NTRK2: variants seen among roughly 807,000 people sequenced by gnomAD.
NTRK2 encodes BDNF/NT-3 growth factors receptor.
A neutral mutation model predicts 94.5 loss-of-function variants in NTRK2; 13 were observed. The observed-to-expected ratio is 0.14, with a 90% CI of 0.09 to 0.22. The LOEUF (loss-of-function observed/expected upper bound fraction) is 0.22. Ranked by LOEUF, NTRK2 falls within the 10% of genes least tolerant of loss-of-function variation. The probability of loss-of-function intolerance (pLI) is 1.00; values close to 1 mark genes in which losing one functional copy is unlikely to be tolerated. For synonymous variants in NTRK2, 372 were observed against 407.4 expected (o/e 0.91, Z 1.05); for missense variants, 639 against 1,071.2 (o/e 0.60, Z 5.63).
intron 10 of NTRK2, among the ~76,000 whole-genome samples, chr9:84,744,758 G>A (rs763543634): frequency 2.3e-4 from 35 of 152,116 alleles, no homozygotes; most frequent in Non-Finnish European, 4.4e-4. Flanking sequence ...TGATGTAAAG[G>A]TCTGGGTTGA....
At chr9:84,859,661 G>C (rs573009626) in intron 12 of NTRK2, among the ~76,000 whole-genome samples, 28 of 152,230 alleles carry the variant, frequency 1.8e-4, no homozygotes, top group African/African-American at 6.3e-4. Context: ...AAAAAAACAG[G>C]CTTAAAAAAT....
At chr9:84,758,322 T>C (rs1287717460) in intron 12 of NTRK2, among the ~76,000 whole-genome samples, 2 of 152,064 alleles carry the variant, frequency 1.3e-5, no homozygotes, top group Non-Finnish European at 2.9e-5. Context: ...TATTTCTAAA[T>C]ATTTATTTCA....
chr9:84,865,687 C>T (rs966641913), intron 13 of NTRK2, among the ~76,000 whole-genome samples: 4 of 152,204 alleles, frequency 2.6e-5, no homozygotes, highest in African/African-American at 9.6e-5. Context: ...TCAGACATTT[C>T]CCTGGCATGG....
At chr9:84,902,381 G>A (rs546066470) in intron 14 of NTRK2, among the ~76,000 whole-genome samples, 4 of 152,094 alleles carry the variant, frequency 2.6e-5, no homozygotes, top group Non-Finnish European at 2.9e-5. Context: ...GAGAATTAGG[G>A]TGAGTGAGTG....
intron 6 of NTRK2, among the ~76,000 whole-genome samples, chr9:84,715,078 A>G (rs1349785824): frequency 4.6e-5 from 7 of 152,194 alleles, no homozygotes; most frequent in Non-Finnish European, 8.8e-5. Context: ...TCTACATTTT[A>G]TATGCAAATA....
intron 6 of NTRK2, among the ~76,000 whole-genome samples, chr9:84,711,395 G>T (rs780781167): frequency 4.6e-5 from 7 of 152,132 alleles, no homozygotes; most frequent in Non-Finnish European, 7.3e-5. Flanking sequence ...CATTTAAAAG[G>T]GCACCGAATG....
At chr9:84,688,218 G>A (rs2059834215) in intron 2 of NTRK2, among the ~76,000 whole-genome samples, 1 of 152,204 alleles carries the variant, frequency 6.6e-6, no homozygotes, top group Non-Finnish European at 1.5e-5. Context: ...ACTTGCTGAA[G>A]GAGAACAGAG....
At chr9:84,939,465 T>C (rs1178394369) in intron 15 of NTRK2, among the ~76,000 whole-genome samples, 1 of 152,172 alleles carries the variant, frequency 6.6e-6, no homozygotes, top group Non-Finnish European at 1.5e-5. Flanking sequence ...GTGAACCAGA[T>C]TGAGGAAATC....
At chr9:84,919,490 A>C (rs1411697758) in intron 14 of NTRK2, among the ~76,000 whole-genome samples, 1 of 152,182 alleles carries the variant, frequency 6.6e-6, no homozygotes, top group South Asian at 2.1e-4. Flanking sequence ...TTTAACTGAC[A>C]AGTCATGTAG....
At chr9:84,806,188 G>A (rs2071089896) in intron 12 of NTRK2, among the ~76,000 whole-genome samples, 1 of 152,152 alleles carries the variant, frequency 6.6e-6, no homozygotes, top group East Asian at 1.9e-4. Flanking sequence ...AGTCTGAGAT[G>A]GAGGGAAATC....
chr9:85,000,981 G>A (rs1209873214), intron 17 of NTRK2, among the ~76,000 whole-genome samples: 1 of 152,166 alleles, frequency 6.6e-6, no homozygotes, highest in Non-Finnish European at 1.5e-5. Context: ...GTGTGTAGTG[G>A]TACACATTAC....
At chr9:84,960,433 A>G (rs1254738973) in intron 17 of NTRK2, among the ~76,000 whole-genome samples, 2 of 152,236 alleles carry the variant, frequency 1.3e-5, no homozygotes, top group Admixed American at 6.5e-5. Flanking sequence ...GAAATAATCA[A>G]GAGTTAACCA....
At chr9:84,913,558 T>C (rs2077307245) in intron 14 of NTRK2, among the ~76,000 whole-genome samples, 1 of 152,192 alleles carries the variant, frequency 6.6e-6, no homozygotes, top group South Asian at 2.1e-4. Flanking sequence ...GATATAGTAT[T>C]CTGGACTAAT....
intron 13 of NTRK2, among the ~76,000 whole-genome samples, chr9:84,864,359 G>A (rs2075474528): frequency 1.3e-5 from 2 of 152,106 alleles, no homozygotes; most frequent in Admixed American, 1.3e-4. Flanking sequence ...TGGGGAAAGG[G>A]TGGGAGGGGG....
chr9:84,872,157 AC>A (rs2075889811), intron 14 of NTRK2: 1 of 1,211,088 alleles, frequency 8.3e-7, no homozygotes, highest in South Asian at 2.4e-5. Flanking sequence ...GTGTCTGAAC[AC>A]CACATCACCT....
chr9:84,948,438 T>G, intron 15 of NTRK2, 24 bp from the exon 16 acceptor site: 6 of 1,613,152 alleles, frequency 3.7e-6, no homozygotes, highest in Non-Finnish European at 5.1e-6. Context: ...GAAGTAATCC[T>G]TCTCTTTTAA....
intron 9 of NTRK2, among the ~76,000 whole-genome samples, chr9:84,732,946 G>C (rs1160123525): frequency 1.3e-5 from 2 of 152,082 alleles, no homozygotes; most frequent in Non-Finnish European, 2.9e-5. Flanking sequence ...ATGTTGTTGG[G>C]GTCCCTCAGC....
chr9:84,733,251 C>A (rs1171657459), intron 9 of NTRK2, among the ~76,000 whole-genome samples: 13 of 152,190 alleles, frequency 8.5e-5, no homozygotes, highest in Non-Finnish European at 1.9e-4. Flanking sequence ...TTCTCTCCTT[C>A]CGGGGATATC....
intron 6 of NTRK2, among the ~76,000 whole-genome samples, chr9:84,711,515 A>G (rs1438615058): frequency 6.6e-6 from 1 of 152,222 alleles, no homozygotes; most frequent in African/African-American, 2.4e-5. Flanking sequence ...ATACCCACAC[A>G]TGCATGTTAC....
Sources: gnomAD v4.1 joint callset for allele counts (sites outside exome capture counted in the v4.1 genomes callset) on GRCh38, gnomAD v4.1.1 for gene constraint, MANE v1.5 for transcripts, NCBI Gene and HGNC (gene_info 2026-07-23, HGNC 2026-07-21) for gene names.